Variants in GLMN observed in about 807,000 individuals in gnomAD.
The protein encoded by GLMN is glomulin.
GLMN carries 75 observed loss-of-function variants against 87.8 expected under a neutral mutation model. The observed-to-expected ratio is 0.85, with a 90% CI of 0.71 to 1.04. The LOEUF (loss-of-function observed/expected upper bound fraction) is 1.04. GLMN is among the 50% of genes least tolerant of loss of function. GLMN has a pLI of 0.00. For missense variants in GLMN, 588 were observed against 658.8 expected (o/e 0.89, Z 1.18); for synonymous variants, 206 against 221.6 (o/e 0.93, Z 0.63).
In GLMN at chr1:92,259,774, A is replaced by G. The variant is rs557418149; in HGVS notation, c.1473+3089T>C. Reference sequence around the variant, plus strand: ...TTTTGAGACAGACTCTTGCTCTGTCACCCAGTGGGGAGTGCAGTGGCATGA... The same window carrying G: ...TTTTGAGACAGACTCTTGCTCTGTCGCCCAGTGGGGAGTGCAGTGGCATGA... On this transcript the variant is annotated intron_variant, in intron 16 of 18. Coordinates refer to ENST00000370360, the MANE Select transcript of GLMN (RefSeq NM_053274.3). 4.3e-3 allele frequency among the ~76,000 whole-genome samples: 520 copies of G among 119,826 alleles called. 8 individuals are homozygous for G. Among genetic ancestry groups the G allele is most frequent in the Non-Finnish European group, 4.6e-3 (287 of 62,312 alleles). The allele number at this position is 119,826 out of a possible 152,430, so 78.6% of individuals were successfully genotyped here. A position where few individuals can be genotyped will look rare whatever the true frequency, so the allele number is the denominator to read the frequency against.
chr1:92,249,800 T>C (rs577253764), intron 16 of GLMN, among the ~76,000 whole-genome samples: 1 of 152,252 alleles, frequency 6.6e-6, no homozygotes, highest in South Asian at 2.1e-4. Context: ...CACTCTGGTA[T>C]CAATCAATCA....
At chr1:92,317,397 A>G in the GLMN span, among the ~76,000 whole-genome samples, 7 of 151,884 alleles carry the variant, frequency 4.6e-5, no homozygotes, top group Non-Finnish European at 1.5e-5. Flanking sequence ...AATCCCAGCT[A>G]CTCAGGAGGC....
chr1:92,351,725 T>C, the GLMN span, among the ~76,000 whole-genome samples: 70 of 152,262 alleles, frequency 4.6e-4, 1 homozygote, highest in East Asian at 9.3e-3. Flanking sequence ...AGAGAAGACA[T>C]ATAGAAGGCT....
the GLMN span, chr1:92,323,555 A>G: frequency 2.5e-6 from 4 of 1,613,090 alleles, no homozygotes; most frequent in Non-Finnish European, 3.4e-6. Flanking sequence ...TCTAGCACTC[A>G]CAGTGATAGT....
the GLMN span, among the ~76,000 whole-genome samples, chr1:92,351,419 G>A: frequency 3.3e-5 from 5 of 150,790 alleles, no homozygotes; most frequent in Non-Finnish European, 7.4e-5. Flanking sequence ...ATAATTCCAT[G>A]TTACCCACAA....
Position 92,289,165 on chromosome 1 carries a change from C to G in GLMN, c.395-14G>C. 1 of 1,411,720 alleles carries G rather than the reference C, an allele frequency of 7.1e-7. No homozygotes were observed. The highest frequency in any genetic ancestry group is 1.0e-6 in the Non-Finnish European group (1 of 995,510). The allele number at this position is 1,411,720 out of a possible 1,614,324, so 87.4% of individuals were successfully genotyped here. Reference sequence around the variant, plus strand: ...GTTTCTGAATCACTAAAACAGAGATCAAGTTGTCGCTCATCAAGTATGCTA... The same window carrying G: ...GTTTCTGAATCACTAAAACAGAGATGAAGTTGTCGCTCATCAAGTATGCTA... On this transcript the variant is annotated splice_polypyrimidine_tract_variant and intron_variant, in intron 5 of 18. Coordinates refer to ENST00000370360, the MANE Select transcript of GLMN (RefSeq NM_053274.3).
intron 16 of GLMN, among the ~76,000 whole-genome samples, chr1:92,254,516 G>A (rs1176840241): frequency 6.6e-6 from 1 of 152,210 alleles, no homozygotes; most frequent in Non-Finnish European, 1.5e-5. Flanking sequence ...TGCAGCCAGA[G>A]AGAAAGGCTG....
At chr1:92,343,871 T>C in the GLMN span, among the ~76,000 whole-genome samples, 1 of 152,132 alleles carries the variant, frequency 6.6e-6, no homozygotes, top group Admixed American at 6.5e-5. Context: ...AGATAGGCCT[T>C]ATTGCAAAGA....
At chr1:92,362,599 C>T in the GLMN span, among the ~76,000 whole-genome samples, 6 of 152,108 alleles carry the variant, frequency 3.9e-5, no homozygotes, top group Non-Finnish European at 7.4e-5. Flanking sequence ...TTGAAAATTC[C>T]GAGTGCAGCA....
At chr1:92,309,505 G>T in the GLMN span, among the ~76,000 whole-genome samples, 1 of 151,222 alleles carries the variant, frequency 6.6e-6, no homozygotes, top group African/African-American at 2.4e-5. Context: ...CATTTAAATT[G>T]TGCAGTAAGT....
chr1:92,333,978 T>C, the GLMN span, among the ~76,000 whole-genome samples: 1 of 152,216 alleles, frequency 6.6e-6, no homozygotes, highest in Non-Finnish European at 1.5e-5. Context: ...TTATTGTTCT[T>C]GTAATTAGCC....
At chr1:92,289,455 T>C (rs1649149465) in intron 5 of GLMN, among the ~76,000 whole-genome samples, 2 of 152,150 alleles carry the variant, frequency 1.3e-5, no homozygotes, top group African/African-American at 4.8e-5. Flanking sequence ...AAAATATAAG[T>C]GTATTGTAAA....
At chr1:92,338,696 G>A in the GLMN span, among the ~76,000 whole-genome samples, 1 of 150,772 alleles carries the variant, frequency 6.6e-6, no homozygotes, top group Admixed American at 6.6e-5. Flanking sequence ...AGTTGCCCAG[G>A]CTGGAGTTCA....
At chr1:92,361,251 T>C in the GLMN span, among the ~76,000 whole-genome samples, 1 of 152,034 alleles carries the variant, frequency 6.6e-6, no homozygotes, top group Non-Finnish European at 1.5e-5. Flanking sequence ...AAGATACCTA[T>C]AGTAAGTGAG....
At chr1:92,299,063 T>C (rs1650558114), upstream of GLMN, 3 of 1,473,042 alleles carry the variant, frequency 2.0e-6, no homozygotes, top group East Asian at 2.7e-5. Context: ...TCCGGCAGAC[T>C]ACTCTCCCCC....
At chr1:92,342,141 G>A in the GLMN span, among the ~76,000 whole-genome samples, 1 of 152,122 alleles carries the variant, frequency 6.6e-6, no homozygotes, top group Non-Finnish European at 1.5e-5. Context: ...TTTGAAGCAG[G>A]GAAATCAAAT....
chr1:92,353,944 G>A, the GLMN span, among the ~76,000 whole-genome samples: 1 of 152,046 alleles, frequency 6.6e-6, no homozygotes. Flanking sequence ...TATATCTTTG[G>A]CAGTTTTATA....
rs774424609 is a variant in GLMN, at chr1:92,266,706, C to T, written c.1134G>A (p.Glu378=). Reference sequence around the variant, plus strand: ...TCACCAAATATTTACATACCAGTGTCTCAATGGGGCAAAGTGTCATTACTT... The same window carrying T: ...TCACCAAATATTTACATACCAGTGTTTCAATGGGGCAAAGTGTCATTACTT... The part of the protein sequence containing the change: ...LVKVMTLCPI[E]TLRKKSLAML... Residue 378 remains glutamate, a synonymous_variant, in exon 12 of 19, where the codon GAG becomes GAA. Transcript: ENST00000370360. 2.5e-6 allele frequency: 4 copies of T among 1,595,518 alleles called. No individual in the cohort carries two copies. Among genetic ancestry groups the T allele is most frequent in the Non-Finnish European group, 3.4e-6 (4 of 1,164,284 alleles).
chr1:92,254,420 C>T lies in GLMN; in HGVS notation c.1474-6431G>A, dbSNP rs192374706. ...TCAAATTCAGAAAATACAGAGAACA[C>T]CACAAAGATACTCCTCGGGAAGAGC... On this transcript the variant is annotated intron_variant, in intron 16 of 18. Transcript: ENST00000370360. Among the ~76,000 whole-genome samples the T allele has an allele frequency of 6.6e-5, 10 of 152,208 alleles. No homozygotes were observed. The East Asian group carries it at 1.7e-3, about 26-fold the overall frequency.
Sources: gnomAD v4.1 joint callset for allele counts (sites outside exome capture counted in the v4.1 genomes callset) on GRCh38, gnomAD v4.1.1 for gene constraint, MANE v1.5 for transcripts, NCBI Gene and HGNC (gene_info 2026-07-23, HGNC 2026-07-21) for gene names.